The following CEBPZ variants were observed in gnomAD, a reference collection of about 807,000 sequenced individuals.
The protein encoded by CEBPZ is CCAAT enhancer binding protein zeta.
A neutral mutation model predicts 104.5 loss-of-function variants in CEBPZ; 78 were observed. The ratio of observed to expected loss-of-function variants is 0.75; its 90% CI spans 0.62 to 0.90. The LOEUF (loss-of-function observed/expected upper bound fraction) is 0.90. Ranked by LOEUF, CEBPZ falls within the 40% of genes least tolerant of loss-of-function variation. CEBPZ has a pLI of 0.00. For missense variants in CEBPZ, 1,439 were observed against 1,233.5 expected, an observed-to-expected ratio of 1.17 and a Z score of -2.50; for synonymous variants, 470 against 427.0, an observed-to-expected ratio of 1.10 and a Z score of -1.24.
At chr2:37,203,133 A>C in intron 13 of CEBPZ, 125 bp from the exon 14 acceptor site, 1 of 575,614 alleles carries the variant, frequency 1.7e-6, no homozygotes, top group Non-Finnish European at 2.9e-6. Flanking sequence ...ATCTTCTGGC[A>C]CCATTGGGTA....
intron 8 of CEBPZ, among the ~76,000 whole-genome samples, chr2:37,215,796 T>C (rs969749732): frequency 6.6e-6 from 1 of 152,170 alleles, no homozygotes; most frequent in Admixed American, 6.5e-5. Flanking sequence ...TGGTCTGAAT[T>C]GTAAGCAATA....
chr2:37,219,802 A>G (rs1664724212), intron 5 of CEBPZ, among the ~76,000 whole-genome samples: 2 of 152,158 alleles, frequency 1.3e-5, no homozygotes, highest in Non-Finnish European at 2.9e-5. Context: ...ATAAAGCAAA[A>G]TTTATCCATT....
chr2:37,213,886 A>T lies in CEBPZ; in HGVS notation c.2523T>A (p.Asp841Glu). 4.4e-6 allele frequency: 7 copies of T among 1,607,868 alleles called. No homozygotes were observed. Among genetic ancestry groups the T allele is most frequent in the Non-Finnish European group, 5.9e-6 (7 of 1,177,288 alleles). ...ADEESIEDVDDEEFEELIDTF... is the reference protein window; with the variant it reads ...ADEESIEDVDEEEFEELIDTF... ...TACCAATCAGCTCTTCAAATTCTTCATCATCCACGTCTTCTATACTTTCTT... is the reference window on the plus strand; with the variant it reads ...TACCAATCAGCTCTTCAAATTCTTCTTCATCCACGTCTTCTATACTTTCTT... The change falls in exon 10 of 16, where the codon GAT becomes GAA. Residue 841 changes from aspartate to glutamate, a missense_variant. Asp to Glu is a conservative substitution (Grantham distance 45, BLOSUM62 2). Coordinates refer to ENST00000234170, the MANE Select transcript of CEBPZ (RefSeq NM_005760.3).
chr2:37,229,357 T>A (rs539613870), intron 1 of CEBPZ, among the ~76,000 whole-genome samples: 1 of 152,210 alleles, frequency 6.6e-6, no homozygotes, highest in African/African-American at 2.4e-5. Flanking sequence ...TACACATCAG[T>A]AAGTGACAAC....
intron 6 of CEBPZ, among the ~76,000 whole-genome samples, chr2:37,216,765 A>T (rs1318264220): frequency 6.6e-6 from 1 of 152,198 alleles, no homozygotes; most frequent in African/African-American, 2.4e-5. Flanking sequence ...GGTAATAAAT[A>T]AATAACTGCG....
chr2:37,220,033 C>T (rs1473170721), intron 5 of CEBPZ, among the ~76,000 whole-genome samples: 3 of 152,024 alleles, frequency 2.0e-5, no homozygotes, highest in Admixed American at 2.0e-4. Flanking sequence ...AAATATACAG[C>T]ATAGGCCGGG....
chr2:37,211,770 T>C (rs764601139), intron 12 of CEBPZ, 73 bp downstream of exon 12: 20 of 1,144,508 alleles, frequency 1.7e-5, no homozygotes, highest in Admixed American at 3.0e-5. Flanking sequence ...TAAAAACCTT[T>C]AGCAGAAAAA....
rs1572510437 is a variant in CEBPZ, at chr2:37,228,354, T to C, written c.839A>G (p.Gln280Arg). Residue 280 changes from glutamine (Q) to arginine (R), a missense_variant, in exon 2 of 16, where the codon CAG (glutamine) becomes CGG (arginine). Coordinates refer to ENST00000234170, the MANE Select transcript of CEBPZ (RefSeq NM_005760.3). ...VNLVKKKGSKQQCLMALDTFK... is the reference protein window; with the variant it reads ...VNLVKKKGSKRQCLMALDTFK... ...AGTATCCAAGGCCATAAGGCACTGCTGTTTGCTGCCCTTCTTTTTAACAAG... is the reference window on the plus strand; with the variant it reads ...AGTATCCAAGGCCATAAGGCACTGCCGTTTGCTGCCCTTCTTTTTAACAAG... 6.2e-7 allele frequency: 1 copy of C among 1,614,226 alleles called. No homozygotes were observed. Among genetic ancestry groups the C allele is most frequent in the Admixed American group, 1.7e-5 (1 of 60,026 alleles).
At chr2:37,215,986 T>C (rs1307614376) in intron 8 of CEBPZ, 154 bp downstream of exon 8, 3 of 526,278 alleles carry the variant, frequency 5.7e-6, no homozygotes, top group South Asian at 7.4e-5. Context: ...TCAGATACAG[T>C]AGATTTAAGA....
intron 5 of CEBPZ, among the ~76,000 whole-genome samples, chr2:37,219,483 G>A (rs906202335): frequency 2.0e-5 from 3 of 151,856 alleles, no homozygotes; most frequent in Admixed American, 6.6e-5. Context: ...CTTTATTCAG[G>A]ATAAGCTGCA....
In CEBPZ at chr2:37,217,021, T is replaced by G. The variant is rs1221548877; in HGVS notation, c.2171A>C (p.His724Pro). ...WELKKLSVHF[H>P]PSVALFAKTI... is the part of the protein sequence containing the mutation. ...CTTTGCAAAAAGGGCCACGGAGGGA[T>G]GAAAATGCACAGATAACTAAAAAGA... Residue 724 changes from histidine (H) to proline (P), a missense_variant, in exon 6 of 16, where the codon CAT becomes CCT. His to Pro is a moderately conservative substitution (Grantham distance 77, BLOSUM62 -2). Transcript: ENST00000234170. The G allele has an allele frequency of 6.2e-7, 1 of 1,612,966 alleles. No individual in the cohort carries two copies. Among genetic ancestry groups the G allele is most frequent in the African/African-American group, 1.3e-5 (1 of 75,026 alleles).
At chr2:37,223,134 C>A in intron 3 of CEBPZ, 36 bp downstream of exon 3, 1 of 1,515,268 alleles carries the variant, frequency 6.6e-7, no homozygotes, top group Non-Finnish European at 9.1e-7. Flanking sequence ...TATATTTCAG[C>A]ACCCACTCAA....
At position 37,211,787 on chromosome 2, in the gene CEBPZ, T is replaced by G. The variant is rs1677726984; in HGVS notation, c.2800+56A>C. 3 of 1,329,040 alleles carry G rather than the reference T, an allele frequency of 2.3e-6. No individual in the cohort carries two copies. In the Admixed American group the frequency reaches 8.3e-5, roughly 37 times the overall value. The allele number at this position is 1,329,040 out of a possible 1,614,324, so 82.3% of individuals were successfully genotyped here. A position where few individuals can be genotyped will look rare whatever the true frequency, so the allele number is the denominator to read the frequency against. On this transcript the variant is annotated intron_variant, in intron 12 of 15. Transcript: ENST00000234170. ...AAAACCTTTAGCAGAAAAACAAACT[T>G]AAGGCTAAGGAAGTGAGGAAGACAC... is the stretch of plus-strand genomic sequence containing the variant.
At position 37,228,284 on chromosome 2, in the gene CEBPZ, C is replaced by T. The variant is rs1664941154; in HGVS notation, c.909G>A (p.Lys303=). 5 of 1,614,204 alleles carry T rather than the reference C, an allele frequency of 3.1e-6. No homozygotes were observed. The highest frequency in any genetic ancestry group is 4.5e-5 in the East Asian group (2 of 44,892). Residue 303 remains lysine (K), a synonymous_variant, in exon 2 of 16, where the codon AAG becomes AAA. Transcript: ENST00000234170. ...LITDLLPDNR[K]LRIFSQRPFD... ...AAGGACGCTGGCTGAAAATCCTCAG[C>T]TTCCGATTGTCTGGCAAAAGGTCTG...
chr2:37,228,821 A>G lies in CEBPZ; in HGVS notation c.372T>C (p.Asn124=). 2 of 1,601,374 alleles carry G rather than the reference A, an allele frequency of 1.2e-6. No individual in the cohort carries two copies. Among genetic ancestry groups the G allele is most frequent in the East Asian group, 4.5e-5 (2 of 44,714 alleles). Residue 124 remains asparagine (N), a synonymous_variant, in exon 2 of 16, where the codon AAT becomes AAC. Transcript: ENST00000234170. ...TTTGACTTTCTGCTGTATTTTTATT[A>G]TTTATTTTAGGTATTTTTACTTCTT... The part of the protein sequence containing the change: ...SKKEVKIPKI[N]NKNTAESQRT...
chr2:37,217,140 G>T (rs546968011), intron 5 of CEBPZ, 103 bp from the exon 6 acceptor site: 2 of 896,548 alleles, frequency 2.2e-6, no homozygotes, highest in East Asian at 2.6e-5. Flanking sequence ...GCTCACACCT[G>T]TAATTCCAGC....
intron 13 of CEBPZ, among the ~76,000 whole-genome samples, chr2:37,207,849 T>A (rs1677590871): frequency 6.6e-6 from 1 of 151,536 alleles, no homozygotes. Flanking sequence ...AAAAGATAAA[T>A]GAAACAAAAA....
At chr2:37,222,317 C>G (rs1348650392) in intron 4 of CEBPZ, 63 bp downstream of exon 4, 15 of 1,273,390 alleles carry the variant, frequency 1.2e-5, no homozygotes, top group Non-Finnish European at 1.5e-5. Context: ...TGGTAGAATG[C>G]TATTTTCTAT....
chr2:37,224,679 C>T (rs1384987532), intron 2 of CEBPZ, among the ~76,000 whole-genome samples: 2 of 152,086 alleles, frequency 1.3e-5, no homozygotes, highest in African/African-American at 4.8e-5. Flanking sequence ...AGAGACATGT[C>T]TCTATCATTT....
Sources: gnomAD v4.1 joint callset for allele counts (sites outside exome capture counted in the v4.1 genomes callset) on GRCh38, gnomAD v4.1.1 for gene constraint, MANE v1.5 for transcripts, NCBI Gene and HGNC (gene_info 2026-07-23, HGNC 2026-07-21) for gene names.